Variants in VSTM4 observed in about 807,000 individuals in gnomAD.
The protein encoded by VSTM4 is V-set and transmembrane domain containing 4, also known as V-set and transmembrane domain-containing protein 4.
In VSTM4, 20 loss-of-function variants were observed where a neutral mutation model predicts 36.4. That is an observed-to-expected ratio of 0.55 (90% confidence interval 0.39 to 0.80). VSTM4 has a LOEUF of 0.80. VSTM4 is among the 30% of genes least tolerant of loss of function. The pLI is 0.00. For missense variants in VSTM4, 392 were observed against 404.5 expected (o/e 0.97, Z 0.26); for synonymous variants, 182 against 173.9 (o/e 1.05, Z -0.37).
At chr10:49,103,764 G>T in intron 2 of VSTM4, 1 of 1,614,058 alleles carries the variant, frequency 6.2e-7, no homozygotes, top group Non-Finnish European at 8.5e-7. Flanking sequence ...CAGGAAGGAG[G>T]CCATGGTTAA....
At chr10:49,097,112 A>G (rs1287588347) in intron 2 of VSTM4, among the ~76,000 whole-genome samples, 2 of 152,180 alleles carry the variant, frequency 1.3e-5, no homozygotes, top group Non-Finnish European at 2.9e-5. Flanking sequence ...ATGGCCCTGC[A>G]AACCTGTCTC....
intron 4 of VSTM4, among the ~76,000 whole-genome samples, chr10:49,071,998 G>A (rs528330904): frequency 1.3e-5 from 2 of 152,358 alleles, no homozygotes; most frequent in African/African-American, 2.4e-5. Context: ...GTGATGCAAA[G>A]TTTGTTATAG....
intron 7 of VSTM4, among the ~76,000 whole-genome samples, chr10:49,029,797 T>C (rs1843317418): frequency 6.6e-6 from 1 of 152,236 alleles, no homozygotes; most frequent in South Asian, 2.1e-4. Context: ...AGAAGGGAAC[T>C]GGCCCCATCC....
intron 7 of VSTM4, among the ~76,000 whole-genome samples, chr10:49,035,822 C>A (rs914915845): frequency 6.6e-6 from 1 of 151,988 alleles, no homozygotes; most frequent in Non-Finnish European, 1.5e-5. Context: ...GGCAATAGAG[C>A]AAGACTCTAT....
At chr10:49,092,876 G>GCAGAAGAGA (rs1844501293) in intron 2 of VSTM4, among the ~76,000 whole-genome samples, 2 of 152,126 alleles carry the variant, frequency 1.3e-5, no homozygotes, top group Non-Finnish European at 2.9e-5. Flanking sequence ...ACACAGACAG[G>GCAGAAGAGA]CACTGGTATG....
At chr10:49,044,510 GAGAAAAAGAAAGAA>G (rs1224372438) in intron 7 of VSTM4, among the ~76,000 whole-genome samples, 18 of 140,450 alleles carry the variant, frequency 1.3e-4, no homozygotes, top group South Asian at 2.2e-4. Context: ...AGGAAGGAAG[GAGAAAAAGAAAGAA>G]AGAAAAAGAA....
At chr10:49,052,608 T>A (rs964503164) in intron 5 of VSTM4, among the ~76,000 whole-genome samples, 4 of 152,186 alleles carry the variant, frequency 2.6e-5, no homozygotes, top group African/African-American at 7.2e-5. Context: ...TGCAGTTTTT[T>A]AATTTGTTTT....
intron 2 of VSTM4, among the ~76,000 whole-genome samples, chr10:49,087,616 AG>A (rs1470109309): frequency 2.0e-5 from 3 of 152,138 alleles, no homozygotes; most frequent in Non-Finnish European, 4.4e-5. Context: ...TCGGTCCTTC[AG>A]GGTTCCCCAG....
intron 4 of VSTM4, among the ~76,000 whole-genome samples, chr10:49,067,425 A>C (rs1843992747): frequency 2.0e-5 from 3 of 152,254 alleles, no homozygotes; most frequent in African/African-American, 4.8e-5. Flanking sequence ...GCCTAACTGA[A>C]GCCTAATCCT....
intron 7 of VSTM4, among the ~76,000 whole-genome samples, chr10:49,046,097 G>A (rs999169239): frequency 6.6e-6 from 1 of 152,272 alleles, no homozygotes; most frequent in East Asian, 1.9e-4. Flanking sequence ...CACCATGACT[G>A]TAAGTTTCCT....
intron 7 of VSTM4, among the ~76,000 whole-genome samples, chr10:49,044,914 T>C (rs910306610): frequency 6.6e-6 from 1 of 152,206 alleles, no homozygotes; most frequent in Non-Finnish European, 1.5e-5. Context: ...TTTTTTCATA[T>C]GGATATCCAA....
intron 4 of VSTM4, among the ~76,000 whole-genome samples, chr10:49,069,765 A>G (rs1213348654): frequency 1.3e-5 from 2 of 152,164 alleles, no homozygotes; most frequent in Non-Finnish European, 2.9e-5. Context: ...CCTTTGGCAC[A>G]AAAAGCCACT....
At chr10:49,051,058 C>G (rs1000007301) in intron 5 of VSTM4, among the ~76,000 whole-genome samples, 1 of 152,154 alleles carries the variant, frequency 6.6e-6, no homozygotes, top group South Asian at 2.1e-4. Flanking sequence ...ACATCAGTAT[C>G]CCTCAAAGTC....
chr10:49,051,220 C>T (rs755521120), intron 5 of VSTM4, among the ~76,000 whole-genome samples: 2 of 152,136 alleles, frequency 1.3e-5, no homozygotes, highest in African/African-American at 2.4e-5. Flanking sequence ...CCTCCCTCTA[C>T]CCTAACCCTT....
intron 4 of VSTM4, 55 bp downstream of exon 4, chr10:49,077,164 C>T (rs533315913): frequency 1.0e-4 from 156 of 1,557,338 alleles, no homozygotes; most frequent in African/African-American, 7.9e-4. Flanking sequence ...ATCTTCCGCC[C>T]GTCTGTGGTC....
At chr10:49,042,602 A>C (rs1224711826) in intron 7 of VSTM4, among the ~76,000 whole-genome samples, 1 of 152,254 alleles carries the variant, frequency 6.6e-6, no homozygotes, top group African/African-American at 2.4e-5. Flanking sequence ...GACCTTGGGT[A>C]CATCACCCAT....
chr10:49,033,370 C>T (rs1338666669), intron 7 of VSTM4, among the ~76,000 whole-genome samples: 3 of 152,106 alleles, frequency 2.0e-5, no homozygotes, highest in Admixed American at 2.0e-4. Context: ...AGCCATGACC[C>T]ACACTAAATG....
intron 2 of VSTM4, among the ~76,000 whole-genome samples, chr10:49,092,746 G>T (rs1698841656): frequency 6.6e-6 from 1 of 152,182 alleles, no homozygotes; most frequent in Non-Finnish European, 1.5e-5. Context: ...ATAAAAAGTT[G>T]AGAACCTAGC....
At chr10:49,064,628 CAATTTATTGGT>C in intron 5 of VSTM4, 64 bp downstream of exon 5, 1 of 1,497,734 alleles carries the variant, frequency 6.7e-7, no homozygotes, top group Non-Finnish European at 9.2e-7. Context: ...CAAATTTAAT[CAATTTATTGGT>C]AATATCAAAA....
Sources: gnomAD v4.1 joint callset for allele counts (sites outside exome capture counted in the v4.1 genomes callset) on GRCh38, gnomAD v4.1.1 for gene constraint, MANE v1.5 for transcripts, NCBI Gene and HGNC (gene_info 2026-07-23, HGNC 2026-07-21) for gene names.